Variants in RNF13 observed in about 807,000 individuals in gnomAD.
RNF13 encodes ring finger protein 13.
A neutral mutation model predicts 37.7 loss-of-function variants in RNF13; 19 were observed. The observed-to-expected ratio is 0.50, with a 90% confidence interval of 0.35 to 0.74. The LOEUF (loss-of-function observed/expected upper bound fraction) is 0.74, where lower values mean the gene tolerates loss of function less well. Among genes scored for constraint, RNF13 ranks in the 30% least tolerant of loss-of-function variants. The pLI is 0.01. For missense variants in RNF13, 375 were observed against 453.0 expected (o/e 0.83, Z 1.56); for synonymous variants, 144 against 157.8 (o/e 0.91, Z 0.65).
At chr3:149,914,817 A>G (rs1309927151) in intron 7 of RNF13, among the ~76,000 whole-genome samples, 2 of 152,042 alleles carry the variant, frequency 1.3e-5, no homozygotes, top group Non-Finnish European at 2.9e-5. Context: ...AGGCGTCTAT[A>G]ATCCCAGCTA....
At chr3:149,952,480 G>A (rs1721439158) in intron 8 of RNF13, among the ~76,000 whole-genome samples, 1 of 152,070 alleles carries the variant, frequency 6.6e-6, no homozygotes, top group Non-Finnish European at 1.5e-5. Flanking sequence ...AGATTAGGAT[G>A]TACATAAATT....
intron 1 of RNF13, chr3:149,814,431 AAAAG>A (rs1719213494): frequency 6.6e-6 from 1 of 152,224 alleles, no homozygotes; most frequent in Admixed American, 6.5e-5. Flanking sequence ...ATAGCAATTA[AAAAG>A]AACTTTAAAC....
intron 7 of RNF13, among the ~76,000 whole-genome samples, chr3:149,913,511 C>T (rs1347463029): frequency 1.3e-5 from 2 of 152,170 alleles, no homozygotes; most frequent in African/African-American, 4.8e-5. Context: ...CTAAACTCCA[C>T]ATTTTGGATT....
At chr3:149,954,976 C>T (rs969665118) in intron 8 of RNF13, among the ~76,000 whole-genome samples, 1 of 152,092 alleles carries the variant, frequency 6.6e-6, no homozygotes, top group African/African-American at 2.4e-5. Flanking sequence ...ATGGAAAATC[C>T]TTATGTTTTC....
chr3:149,841,086 C>CT (rs1034221807), intron 1 of RNF13, among the ~76,000 whole-genome samples: 1 of 152,208 alleles, frequency 6.6e-6, no homozygotes, highest in Admixed American at 6.5e-5. Context: ...TTGTAATAAG[C>CT]TTTTTTAGTT....
intron 1 of RNF13, among the ~76,000 whole-genome samples, chr3:149,831,065 T>A (rs1297953545): frequency 2.6e-5 from 4 of 152,230 alleles, no homozygotes; most frequent in African/African-American, 9.6e-5. Flanking sequence ...AGAGAATGTA[T>A]GGAAATGCCT....
At chr3:149,933,795 G>A (rs532852793) in intron 8 of RNF13, among the ~76,000 whole-genome samples, 4 of 152,096 alleles carry the variant, frequency 2.6e-5, no homozygotes, top group African/African-American at 9.6e-5. Context: ...TGTTGGACAG[G>A]CTGGTCTCGA....
intron 6 of RNF13, among the ~76,000 whole-genome samples, chr3:149,902,811 T>G (rs1715978587): frequency 6.6e-6 from 1 of 152,056 alleles, no homozygotes; most frequent in Admixed American, 6.6e-5. Context: ...AGAACAGACT[T>G]TGGTCTAAGA....
At chr3:149,928,723 G>T (rs1718895198) in intron 8 of RNF13, among the ~76,000 whole-genome samples, 1 of 152,114 alleles carries the variant, frequency 6.6e-6, no homozygotes, top group African/African-American at 2.4e-5. Flanking sequence ...AAAAGTTATA[G>T]AATTTTGATA....
chr3:149,889,286 A>AGTGTGTGTGT (rs1390991976), intron 4 of RNF13, among the ~76,000 whole-genome samples: 55 of 45,390 alleles, frequency 1.2e-3, no homozygotes, highest in African/African-American at 2.4e-3. Flanking sequence ...TCTGAATTTG[A>AGTGTGTGTGT]GTGTGCGTGT....
intron 3 of RNF13, among the ~76,000 whole-genome samples, chr3:149,858,018 C>T (rs1007967119): frequency 8.5e-5 from 13 of 152,116 alleles, no homozygotes; most frequent in East Asian, 3.9e-4. Flanking sequence ...TTAGTTCCAA[C>T]GGAATAGGTT....
intron 6 of RNF13, among the ~76,000 whole-genome samples, chr3:149,903,045 G>A (rs1576849968): frequency 6.6e-6 from 1 of 151,990 alleles, no homozygotes; most frequent in South Asian, 2.1e-4. Flanking sequence ...AGAAATCCAC[G>A]AATATTTCTG....
intron 8 of RNF13, among the ~76,000 whole-genome samples, chr3:149,943,464 A>T (rs1440216882): frequency 6.6e-6 from 1 of 152,138 alleles, no homozygotes; most frequent in African/African-American, 2.4e-5. Context: ...TGCCTCCCCT[A>T]TTATCAACAT....
chr3:149,904,965 AT>A (rs1330472091), intron 6 of RNF13, among the ~76,000 whole-genome samples: 1 of 152,068 alleles, frequency 6.6e-6, no homozygotes, highest in Non-Finnish European at 1.5e-5. Flanking sequence ...TAGAACTCTT[AT>A]TTTGTGGATG....
intron 3 of RNF13, among the ~76,000 whole-genome samples, chr3:149,864,064 T>G (rs1385760204): frequency 1.4e-5 from 2 of 143,688 alleles, no homozygotes; most frequent in Admixed American, 1.5e-4. Flanking sequence ...GGTTGTAGTA[T>G]TAGTATGAAT....
intron 1 of RNF13, among the ~76,000 whole-genome samples, chr3:149,829,070 G>C (rs546825417): frequency 6.6e-6 from 1 of 152,052 alleles, no homozygotes; most frequent in South Asian, 2.1e-4. Context: ...TGGTATGAAG[G>C]CCCTGAGATT....
At chr3:149,854,558 T>TAAAGATGTTCAGAGTATCATAGCCTGGAC (rs1203140657) in intron 3 of RNF13, among the ~76,000 whole-genome samples, 1 of 152,234 alleles carries the variant, frequency 6.6e-6, no homozygotes, top group East Asian at 1.9e-4. Context: ...TATAAAGGGA[T>TAAAGATGTTCAGAGTATCATAGCCTGGAC]AAAGATGTTC....
At chr3:149,826,193 T>A (rs1720486511) in intron 1 of RNF13, among the ~76,000 whole-genome samples, 1 of 152,184 alleles carries the variant, frequency 6.6e-6, no homozygotes, top group Admixed American at 6.5e-5. Flanking sequence ...GGAATGCTGG[T>A]AATCCATGGC....
chr3:149,949,863 A>G (rs1721142881), intron 8 of RNF13, among the ~76,000 whole-genome samples: 1 of 151,228 alleles, frequency 6.6e-6, no homozygotes, highest in African/African-American at 2.4e-5. Flanking sequence ...ATCCCTAGTC[A>G]TTATAACTTT....
Sources: gnomAD v4.1 joint callset for allele counts (sites outside exome capture counted in the v4.1 genomes callset) on GRCh38, gnomAD v4.1.1 for gene constraint, MANE v1.5 for transcripts, NCBI Gene and HGNC (gene_info 2026-07-23, HGNC 2026-07-21) for gene names.